Variants in CNBD1 observed in about 807,000 individuals in gnomAD.
CNBD1 encodes cyclic nucleotide binding domain containing 1.
CNBD1 carries 71 observed loss-of-function variants against 54.4 expected under a neutral mutation model. The observed-to-expected ratio is 1.30, with a 90% confidence interval of 1.08 to 1.59. The LOEUF (loss-of-function observed/expected upper bound fraction) is 1.59, where lower values mean the gene tolerates loss of function less well. Ranked by LOEUF, CNBD1 falls within the 40% of genes most tolerant of loss-of-function variation. CNBD1 has a pLI of 0.00. For synonymous variants in CNBD1, 182 were observed against 170.7 expected (o/e 1.07, Z -0.51); for missense variants, 659 against 518.0 (o/e 1.27, Z -2.64).
intron 2 of CNBD1, among the ~76,000 whole-genome samples, chr8:87,403,189 C>A (rs1807597476): frequency 6.6e-6 from 1 of 151,824 alleles, no homozygotes; most frequent in East Asian, 1.9e-4. Flanking sequence ...TGTCAATGTG[C>A]CTTTCAAAAA....
At chr8:87,246,878 G>T (rs1477754268) in intron 6 of CNBD1, among the ~76,000 whole-genome samples, 1 of 152,002 alleles carries the variant, frequency 6.6e-6, no homozygotes, top group African/African-American at 2.4e-5. Flanking sequence ...AATATATAAT[G>T]AAATAATTAT....
intron 8 of CNBD1, among the ~76,000 whole-genome samples, chr8:87,313,306 C>G (rs1026355062): frequency 1.3e-5 from 2 of 151,932 alleles, no homozygotes; most frequent in Non-Finnish European, 1.5e-5. Flanking sequence ...AAATGTAAAT[C>G]AAATTGGAGT....
At chr8:86,883,436 G>A (rs1294558401) in intron 1 of CNBD1, among the ~76,000 whole-genome samples, 1 of 152,162 alleles carries the variant, frequency 6.6e-6, no homozygotes, top group Non-Finnish European at 1.5e-5. Flanking sequence ...TTGAAGACAT[G>A]AATGCAGATA....
chr8:87,280,757 A>G (rs1461062009), intron 6 of CNBD1, among the ~76,000 whole-genome samples: 58 of 151,572 alleles, frequency 3.8e-4, no homozygotes, highest in African/African-American at 4.8e-5. Context: ...AGATTTACCA[A>G]TTCTTATTCA....
At chr8:87,051,427 A>G (rs1440296309) in intron 4 of CNBD1, among the ~76,000 whole-genome samples, 5 of 152,144 alleles carry the variant, frequency 3.3e-5, no homozygotes, top group Non-Finnish European at 7.3e-5. Flanking sequence ...CACTAGAGGA[A>G]TTAAAGACAC....
intron 5 of CNBD1, among the ~76,000 whole-genome samples, chr8:87,223,423 G>A (rs1319049278): frequency 1.4e-5 from 2 of 142,744 alleles, no homozygotes; most frequent in African/African-American, 2.6e-5. Flanking sequence ...CCCAGAGTGT[G>A]GTGTTCCCCT....
chr8:87,384,128 G>A (rs1425282974), downstream of CNBD1, among the ~76,000 whole-genome samples: 1 of 151,932 alleles, frequency 6.6e-6, no homozygotes, highest in Non-Finnish European at 1.5e-5. Flanking sequence ...ATAAAATATT[G>A]AACATAAAAG....
At chr8:86,871,461 C>G (rs1808442631) in intron 1 of CNBD1, among the ~76,000 whole-genome samples, 1 of 152,240 alleles carries the variant, frequency 6.6e-6, no homozygotes, top group Non-Finnish European at 1.5e-5. Flanking sequence ...TTTAACTCTA[C>G]ACTCAAAAGC....
intron 4 of CNBD1, among the ~76,000 whole-genome samples, chr8:87,177,703 GT>G (rs1230233208): frequency 6.6e-6 from 1 of 151,986 alleles, no homozygotes; most frequent in East Asian, 1.9e-4. Context: ...CTAACTTTTT[GT>G]TTTAATTGCA....
intron 6 of CNBD1, among the ~76,000 whole-genome samples, chr8:87,237,866 T>C (rs995208296): frequency 6.6e-6 from 1 of 152,026 alleles, no homozygotes; most frequent in African/African-American, 2.4e-5. Flanking sequence ...ATGACAAGGA[T>C]AAAAATGAAC....
At chr8:87,348,408 A>G (rs1430157174) in intron 8 of CNBD1, among the ~76,000 whole-genome samples, 4 of 152,198 alleles carry the variant, frequency 2.6e-5, no homozygotes, top group African/African-American at 7.2e-5. Context: ...ATTTCTTAAC[A>G]TTTTTAAAGC....
chr8:87,045,110 CT>C (rs1810153880), intron 4 of CNBD1, among the ~76,000 whole-genome samples: 1 of 152,152 alleles, frequency 6.6e-6, no homozygotes, highest in Admixed American at 6.5e-5. Context: ...GCTAGGGTTT[CT>C]TCTGGGCCTG....
intron 4 of CNBD1, among the ~76,000 whole-genome samples, chr8:87,201,836 A>G (rs888145035): frequency 3.3e-5 from 5 of 152,124 alleles, no homozygotes; most frequent in Admixed American, 3.3e-4. Flanking sequence ...ATCTTGGCTC[A>G]CTGTCTCCCA....
chr8:87,098,625 A>G (rs1311587000), intron 4 of CNBD1, among the ~76,000 whole-genome samples: 1 of 152,118 alleles, frequency 6.6e-6, no homozygotes, highest in Non-Finnish European at 1.5e-5. Flanking sequence ...GACTATATCC[A>G]AAGATCAAAC....
chr8:87,408,161 C>G (rs1807681276), intron 2 of CNBD1, among the ~76,000 whole-genome samples: 1 of 151,988 alleles, frequency 6.6e-6, no homozygotes, highest in South Asian at 2.1e-4. Context: ...GGTTTGAAGT[C>G]TTGGTAATTA....
chr8:87,262,667 T>TA (rs935235281), intron 6 of CNBD1, among the ~76,000 whole-genome samples: 8 of 152,210 alleles, frequency 5.3e-5, no homozygotes, highest in Non-Finnish European at 1.0e-4. Flanking sequence ...GAAGAATTCC[T>TA]AGTCTAAGGC....
chr8:86,943,915 T>C (rs978543645), intron 4 of CNBD1, among the ~76,000 whole-genome samples: 1 of 151,956 alleles, frequency 6.6e-6, no homozygotes, highest in African/African-American at 2.4e-5. Context: ...ACTCTGGAAG[T>C]CTCTTCAAGG....
rs1041834157 is a variant in CNBD1 at position 87,266,547 on chromosome 8, G to T, written c.772-18131G>T. Among the ~76,000 whole-genome samples, 6 of 132,794 alleles carry T rather than the reference G, an allele frequency of 4.5e-5. No homozygotes were observed. The South Asian group carries it at 9.9e-4, about 22-fold the overall frequency. 87.1% of individuals were successfully genotyped at this position (132,794 alleles called of 152,430 possible). The stretch of plus-strand genomic sequence containing the variant: ...GCTCACTGCAACCTCCGCCTCCCAG[G>T]TTCAATGGATTCTCCTGCTTCAGCC... On this transcript the variant is annotated intron_variant, in intron 6 of 10. Coordinates refer to ENST00000518476, the MANE Select transcript of CNBD1 (RefSeq NM_173538.3).
rs575357747 is a variant in CNBD1 at position 87,316,237 on chromosome 8, C to T, written c.1042+29566C>T. 4.0e-5 allele frequency among the ~76,000 whole-genome samples: 6 copies of T among 151,746 alleles called. No individual in the cohort carries two copies. In the South Asian group the frequency reaches 8.3e-4, roughly 21 times the overall value. On this transcript the variant is annotated intron_variant, in intron 8 of 10. Transcript: ENST00000518476. Reference sequence around the variant, plus strand: ...GTCATATACAAATGACTCTTACCAACGAATAGTAAAATCTCAAGGAGGTGA... The same window carrying T: ...GTCATATACAAATGACTCTTACCAATGAATAGTAAAATCTCAAGGAGGTGA...
Sources: gnomAD v4.1 joint callset for allele counts (sites outside exome capture counted in the v4.1 genomes callset) on GRCh38, gnomAD v4.1.1 for gene constraint, MANE v1.5 for transcripts, NCBI Gene and HGNC (gene_info 2026-07-23, HGNC 2026-07-21) for gene names.